Variants in PLXND1 observed in about 807,000 individuals in gnomAD.
PLXND1 encodes the protein plexin D1.
PLXND1 carries 54 observed loss-of-function variants against 197.7 expected under a neutral mutation model. The ratio of observed to expected loss-of-function variants is 0.27; its 90% CI spans 0.22 to 0.34. The LOEUF (loss-of-function observed/expected upper bound fraction) is 0.34, where lower values mean the gene tolerates loss of function less well. PLXND1 is among the 10% of genes least tolerant of loss of function. PLXND1 has a pLI of 1.00. For missense variants in PLXND1, 2,127 were observed against 2,699.2 expected, an observed-to-expected ratio of 0.79 and a Z score of 4.70; for synonymous variants, 1,180 against 1,161.2, an observed-to-expected ratio of 1.02 and a Z score of -0.33.
intron 8 of PLXND1, among the ~76,000 whole-genome samples, chr3:129,581,427 C>T (rs549967690): frequency 2.0e-5 from 3 of 152,200 alleles, no homozygotes; most frequent in Admixed American, 6.5e-5. Flanking sequence ...AGCTCCTATG[C>T]ATCTCTCAAG....
At position 129,566,610 on chromosome 3, in the gene PLXND1, G is replaced by A. The variant is rs753775752; in HGVS notation, c.4108C>T (p.Arg1370Cys). The stretch of plus-strand genomic sequence containing the variant: ...AGGGTCTGGGAGGGCAGCACGTAAC[G>A]CTCTTCATAAAGGGAGGAACACTGC... ...FPKCSSLYEE[R>C]YVLPSQTLNS... The change falls in exon 23 of 36, where the codon CGT becomes TGT. Residue 1370 changes from arginine to cysteine, a missense_variant. Physicochemically the swap from Arg to Cys is radical, Grantham distance 180. This residue lies in a region of PLXND1 where 532 missense variants were observed against 811.0 expected (regional missense o/e 0.66). Coordinates refer to ENST00000324093, the MANE Select transcript of PLXND1 (RefSeq NM_015103.3). 1.2e-5 allele frequency: 20 copies of A among 1,608,294 alleles called. No homozygotes were observed. In the East Asian group the frequency reaches 1.3e-4, roughly 11 times the overall value.
intron 34 of PLXND1, 142 bp downstream of exon 34, chr3:129,556,940 CA>C: frequency 1.1e-6 from 1 of 905,456 alleles, no homozygotes; most frequent in Non-Finnish European, 1.7e-6. Flanking sequence ...GACGAATTTG[CA>C]GGCCAGCAAG....
At chr3:129,594,273 G>A (rs1365427563) in intron 1 of PLXND1, among the ~76,000 whole-genome samples, 1 of 152,190 alleles carries the variant, frequency 6.6e-6, no homozygotes, top group East Asian at 1.9e-4. Context: ...TTGCCACAGA[G>A]CTGAAATTTG....
intron 8 of PLXND1, among the ~76,000 whole-genome samples, chr3:129,579,325 T>TG (rs2085356523): frequency 6.6e-6 from 1 of 152,054 alleles, no homozygotes; most frequent in Non-Finnish European, 1.5e-5. Flanking sequence ...GGGCGCGTGT[T>TG]AAGATGCAGA....
At position 129,574,411 on chromosome 3, in the gene PLXND1, C is replaced by T. The variant is rs149847035; in HGVS notation, c.2610G>A (p.Met870Ile). 675 of 1,612,984 alleles carry T rather than the reference C, an allele frequency of 4.2e-4. 4 individuals carry two copies. The African/African-American group carries it at 7.8e-3, about 19-fold the overall frequency. Residue 870 changes from methionine (M) to isoleucine (I), a missense_variant, in exon 12 of 36, where the codon ATG becomes ATA. By Grantham distance (10) the Met-to-Ile change is conservative (BLOSUM62 1). Coordinates refer to ENST00000324093, the MANE Select transcript of PLXND1 (RefSeq NM_015103.3). ...CCCGCAGGCGGCAGCCATCACTCCA[C>T]ATGCACAGGTGACCCAGGTCTTCGC... is the stretch of plus-strand genomic sequence containing the variant. ...LGREDLGHLC[M>I]WSDGCRLRGP...
chr3:129,597,568 C>G (rs953796604), intron 1 of PLXND1, among the ~76,000 whole-genome samples: 1 of 152,138 alleles, frequency 6.6e-6, no homozygotes, highest in Non-Finnish European at 1.5e-5. Flanking sequence ...CGTAATGGAG[C>G]TGCGAGCTTC....
At chr3:129,589,551 ATCCCAGCTCCAGAACCTTC>A in intron 1 of PLXND1, 24 bp from the exon 2 acceptor site, 1 of 1,536,450 alleles carries the variant, frequency 6.5e-7, no homozygotes, top group Non-Finnish European at 8.7e-7. Context: ...GGCACGTCAG[ATCCCAGCTCCAGAACCTTC>A]TCCGGCTCCC....
At chr3:129,591,602 G>C (rs1211879360) in intron 1 of PLXND1, 1 of 152,230 alleles carries the variant, frequency 6.6e-6, no homozygotes, top group Non-Finnish European at 1.5e-5. Flanking sequence ...AAGTGTCCAG[G>C]AAGTGTTAGC....
chr3:129,606,660 CGGCGCGGCGAGTGCATGGGGCGA>C (rs988747316), exon 1 of PLXND1: 19 of 960,752 alleles, frequency 2.0e-5, no homozygotes, highest in Non-Finnish European at 2.4e-5. Context: ...GCGGGCTGCG[CGGCGCGGCGAGTGCATGGGGCGA>C]GGCGCGGCCG....
At position 129,586,588 on chromosome 3, in the gene PLXND1, C is replaced by T. The variant is rs761069146; in HGVS notation, c.1620G>A (p.Gln540=). The part of the protein sequence containing the change: ...SGYLYLMTSH[Q]MARVKVAACN... ...CGTTGGGCTGGGGCTCTGGCCTCAC[C>T]TGGTGGGACGTCATCAGGTAAAGGT... The change falls in exon 3 of 36, where the codon CAG becomes CAA. Residue 540 remains glutamine, a splice_region_variant and synonymous_variant. Transcript: ENST00000324093. The T allele has an allele frequency of 6.4e-7, 1 of 1,566,580 alleles. No homozygotes were observed. The highest frequency in any genetic ancestry group is 2.3e-5 in the East Asian group (1 of 42,968).
intron 5 of PLXND1, among the ~76,000 whole-genome samples, chr3:129,585,744 C>A (rs2085449584): frequency 6.6e-6 from 1 of 152,218 alleles, no homozygotes; most frequent in South Asian, 2.1e-4. Flanking sequence ...GTGTGTAAGG[C>A]CTAACGGAGG....
rs535035726 is a variant in PLXND1, at chr3:129,569,850, G to A, written c.3858C>T (p.Ser1286=). ...IVICSVLLLL[S]VVALFVFCTK... ...GAGGGTGGGGCTCCTTACCCACCAC[G>A]GAGAGCAGCAGCAGGACGCTGCAGA... The change falls in exon 20 of 36, where the codon TCC becomes TCT. Residue 1286 remains serine (S), a synonymous_variant. Transcript: ENST00000324093. The A allele has an allele frequency of 3.8e-6, 6 of 1,591,906 alleles. No individual in the cohort carries two copies. The highest frequency in any genetic ancestry group is 5.2e-6 in the Non-Finnish European group (6 of 1,160,038).
chr3:129,596,756 T>C (rs1344271383), intron 1 of PLXND1, among the ~76,000 whole-genome samples: 1 of 152,080 alleles, frequency 6.6e-6, no homozygotes, highest in Non-Finnish European at 1.5e-5. Context: ...CTCCTCGGGG[T>C]CCAGCCCATA....
Position 129,571,054 on chromosome 3 carries a change from TGA to T in PLXND1, c.3584_3585del (p.Leu1195HisfsTer34). ...TTGGTGCTCACGTGGATAACGAGGG[TGA>T]GAGGCTCCCCGGGGTGGTGCTTGAT... ...KWIKHHPGEP[L>X]TLVIHKEQDS... On this transcript the variant is annotated frameshift_variant, in exon 18 of 36. Coordinates refer to ENST00000324093, the MANE Select transcript of PLXND1 (RefSeq NM_015103.3). LOFTEE classifies it high-confidence loss of function. 1 of 1,613,822 alleles carries T rather than the reference TGA, an allele frequency of 6.2e-7. No homozygotes were observed. The highest frequency in any genetic ancestry group is 8.5e-7 in the Non-Finnish European group (1 of 1,179,852).
chr3:129,562,176 T>C (rs1004210374), intron 27 of PLXND1, among the ~76,000 whole-genome samples: 1 of 152,074 alleles, frequency 6.6e-6, no homozygotes, highest in African/African-American at 2.4e-5. Context: ...CTGTTCATGT[T>C]ACAATTGCTG....
intron 31 of PLXND1, 113 bp downstream of exon 31, chr3:129,560,217 T>C: frequency 1.5e-6 from 1 of 681,714 alleles, no homozygotes; most frequent in Non-Finnish European, 2.6e-6. Flanking sequence ...CAGGAAGAAC[T>C]CACACCCCTC....
intron 17 of PLXND1, 60 bp from the exon 18 acceptor site, chr3:129,571,363 A>G: frequency 6.3e-7 from 1 of 1,579,058 alleles, no homozygotes. Context: ...GGGCATGGAG[A>G]AACGGTGGGG....
chr3:129,565,678 C>A, intron 24 of PLXND1, 140 bp from the exon 25 acceptor site: 1 of 874,938 alleles, frequency 1.1e-6, no homozygotes, highest in Non-Finnish European at 1.8e-6. Context: ...GTGAGTGGGG[C>A]TAGAATCCTC....
At chr3:129,570,189 G>T (rs1450447519) in intron 19 of PLXND1, among the ~76,000 whole-genome samples, 1 of 152,160 alleles carries the variant, frequency 6.6e-6, no homozygotes, top group Non-Finnish European at 1.5e-5. Context: ...AATGCAGGGG[G>T]CTGTGATTAT....
Sources: gnomAD v4.1 joint callset for allele counts (sites outside exome capture counted in the v4.1 genomes callset) on GRCh38, gnomAD v4.1.1 for gene constraint, gnomAD v4.1.1 regional missense constraint, MANE v1.5 for transcripts, NCBI Gene and HGNC (gene_info 2026-07-23, HGNC 2026-07-21) for gene names.